The following TRPC4 variants were observed in gnomAD, a reference collection of about 807,000 sequenced individuals.
TRPC4 encodes short transient receptor potential channel 4.
TRPC4 carries 49 observed loss-of-function variants against 99.4 expected under a neutral mutation model. The observed-to-expected ratio is 0.49, with a 90% confidence interval of 0.39 to 0.63. The LOEUF is 0.63. TRPC4 is among the 20% of genes least tolerant of loss of function. TRPC4 has a pLI of 0.00. For missense variants in TRPC4, 898 were observed against 1,152.9 expected (o/e 0.78, Z 3.20); for synonymous variants, 454 against 425.9 (o/e 1.07, Z -0.81).
At chr13:37,828,516 C>T (rs1351751603) in intron 1 of TRPC4, among the ~76,000 whole-genome samples, 1 of 152,076 alleles carries the variant, frequency 6.6e-6, no homozygotes, top group Non-Finnish European at 1.5e-5. Flanking sequence ...ATTATTCTAC[C>T]ATAAAGACAT....
At chr13:37,719,800 A>G (rs73168454) in intron 3 of TRPC4, among the ~76,000 whole-genome samples, 1 of 152,072 alleles carries the variant, frequency 6.6e-6, no homozygotes, top group Non-Finnish European at 1.5e-5. Context: ...AAAGATGTCC[A>G]TGTGGATATG....
At position 37,861,485 on chromosome 13, in the gene TRPC4, C is replaced by T. The variant is rs184812475; in HGVS notation, c.-28+8110G>A. 2.6e-5 allele frequency among the ~76,000 whole-genome samples: 4 copies of T among 151,546 alleles called. No individual in the cohort carries two copies. The East Asian group carries it at 7.7e-4, about 29-fold the overall frequency. ...AAGTTCTGGTTTTAGTGGTTCATTGCTAAATACAATAGAATGCAAAGCAGT... is the reference window on the plus strand; with the variant it reads ...AAGTTCTGGTTTTAGTGGTTCATTGTTAAATACAATAGAATGCAAAGCAGT... On this transcript the variant is annotated intron_variant, in intron 1 of 10. Coordinates refer to ENST00000379705, the MANE Select transcript of TRPC4 (RefSeq NM_016179.4).
chr13:37,814,964 T>C (rs1401961754), intron 1 of TRPC4, among the ~76,000 whole-genome samples: 2 of 151,938 alleles, frequency 1.3e-5, no homozygotes, highest in African/African-American at 4.8e-5. Flanking sequence ...GAATGTGTAG[T>C]GCTGGAATAT....
chr13:37,754,741 G>A (rs1032948135), intron 2 of TRPC4, among the ~76,000 whole-genome samples: 17 of 152,108 alleles, frequency 1.1e-4, no homozygotes, highest in African/African-American at 3.6e-4. Flanking sequence ...CTTTATAAAT[G>A]TATCTCTTCA....
intron 1 of TRPC4, among the ~76,000 whole-genome samples, chr13:37,806,096 T>G (rs529896660): frequency 6.6e-6 from 1 of 151,926 alleles, no homozygotes; most frequent in East Asian, 1.9e-4. Flanking sequence ...CTTTATTGAG[T>G]TTGATGAGTT....
chr13:37,844,064 C>T (rs936099579), intron 1 of TRPC4, among the ~76,000 whole-genome samples: 1 of 152,148 alleles, frequency 6.6e-6, no homozygotes, highest in Non-Finnish European at 1.5e-5. Context: ...TTTTGGAACC[C>T]TTTCAGGAGA....
chr13:37,680,994 T>A (rs931380805), intron 4 of TRPC4, among the ~76,000 whole-genome samples: 1 of 152,234 alleles, frequency 6.6e-6, no homozygotes, highest in Admixed American at 6.5e-5. Flanking sequence ...AAGTCAAATG[T>A]GATTATTAAC....
chr13:37,865,097 C>T (rs1226824356), intron 1 of TRPC4, among the ~76,000 whole-genome samples: 3 of 151,704 alleles, frequency 2.0e-5, no homozygotes, highest in Non-Finnish European at 4.4e-5. Flanking sequence ...CCTGTCAGCG[C>T]AAATGCATAT....
At chr13:37,787,784 T>C (rs1957008845) in intron 1 of TRPC4, among the ~76,000 whole-genome samples, 1 of 152,178 alleles carries the variant, frequency 6.6e-6, no homozygotes, top group South Asian at 2.1e-4. Context: ...TATTTTGACA[T>C]TTTATCCTAG....
intron 3 of TRPC4, among the ~76,000 whole-genome samples, chr13:37,727,536 T>C (rs1474509351): frequency 6.6e-6 from 1 of 151,692 alleles, no homozygotes; most frequent in Non-Finnish European, 1.5e-5. Flanking sequence ...AGCACAAAGC[T>C]AACAGAAGAA....
At chr13:37,768,264 T>G (rs17056599) in intron 2 of TRPC4, among the ~76,000 whole-genome samples, 15,181 of 151,402 alleles carry the variant, frequency 0.1, 1,116 homozygotes, top group African/African-American at 0.21. Context: ...GTCTTAAAAA[T>G]TTCTTCTCTT....
chr13:37,668,175 A>C (rs1952711602), intron 5 of TRPC4, among the ~76,000 whole-genome samples: 1 of 152,220 alleles, frequency 6.6e-6, no homozygotes, highest in African/African-American at 2.4e-5. Context: ...TAGGATCATT[A>C]ATTCCTGTAT....
intron 8 of TRPC4, among the ~76,000 whole-genome samples, chr13:37,641,316 T>G (rs1228962458): frequency 6.6e-6 from 1 of 152,170 alleles, no homozygotes; most frequent in Non-Finnish European, 1.5e-5. Context: ...TATGGTACCT[T>G]TCAGGCGTTA....
chr13:37,728,743 A>G (rs932601659), intron 3 of TRPC4, among the ~76,000 whole-genome samples: 1 of 152,096 alleles, frequency 6.6e-6, no homozygotes, highest in Admixed American at 6.6e-5. Context: ...ATAAAGAAGA[A>G]CAAAGCTTGA....
At chr13:37,826,464 G>T (rs1265556351) in intron 1 of TRPC4, among the ~76,000 whole-genome samples, 159 of 141,784 alleles carry the variant, frequency 1.1e-3, no homozygotes, top group African/African-American at 4.1e-3. Context: ...TTTAGGGCAG[G>T]CCTGGTGGTG....
At chr13:37,839,289 T>C (rs965950491) in intron 1 of TRPC4, among the ~76,000 whole-genome samples, 11 of 152,076 alleles carry the variant, frequency 7.2e-5, no homozygotes, top group African/African-American at 2.7e-4. Context: ...AACCAGGTAG[T>C]AAGGACTATA....
intron 8 of TRPC4, among the ~76,000 whole-genome samples, chr13:37,645,241 C>A (rs1370247169): frequency 6.6e-6 from 1 of 152,052 alleles, no homozygotes; most frequent in African/African-American, 2.4e-5. Context: ...TCAGAGAACT[C>A]ATGTTAAAGA....
At chr13:37,798,836 A>T (rs952410153) in intron 1 of TRPC4, among the ~76,000 whole-genome samples, 5 of 152,150 alleles carry the variant, frequency 3.3e-5, no homozygotes, top group African/African-American at 1.2e-4. Context: ...TATACTAGAA[A>T]TATATTTTAG....
At chr13:37,719,826 A>G (rs1483807255) in intron 3 of TRPC4, among the ~76,000 whole-genome samples, 1 of 150,948 alleles carries the variant, frequency 6.6e-6, no homozygotes, top group African/African-American at 2.5e-5. Context: ...TTACATGGCA[A>G]GCAGGAATGA....
Sources: allele counts gnomAD v4.1 joint callset (sites outside exome capture counted in the v4.1 genomes callset), GRCh38; gene constraint gnomAD v4.1.1; transcripts MANE v1.5; gene names NCBI Gene and HGNC (gene_info 2026-07-23, HGNC 2026-07-21).